Variants in SLC9A4 observed in about 807,000 individuals in gnomAD.
SLC9A4 encodes sodium/hydrogen exchanger 4.
SLC9A4 carries 63 observed loss-of-function variants against 67.4 expected under a neutral mutation model. That is an observed-to-expected ratio of 0.93 (90% CI 0.76 to 1.15). SLC9A4 has a LOEUF of 1.15. SLC9A4 is among the 50% of genes most tolerant of loss of function. The pLI is 0.00. For missense variants in SLC9A4, 1,089 were observed against 987.7 expected, an observed-to-expected ratio of 1.10 and a Z score of -1.38; for synonymous variants, 393 against 367.2, an observed-to-expected ratio of 1.07 and a Z score of -0.80.
In SLC9A4 at chr2:102,479,073, T is replaced by C. The variant is rs1195799345; in HGVS notation, c.491T>C (p.Leu164Ser). The C allele has an allele frequency of 1.2e-6, 2 of 1,614,072 alleles. No homozygotes were observed. Among genetic ancestry groups the C allele is most frequent in the African/African-American group, 1.3e-5 (1 of 74,930 alleles). Residue 164 changes from leucine (L) to serine (S), a missense_variant, in exon 2 of 12, where the codon TTG becomes TCG. By Grantham distance (145) the Leu-to-Ser change is moderately radical. Transcript: ENST00000295269. ...NIGSILWWAV[L>S]GALINALGIG... is the part of the protein sequence containing the mutation. ...GGCTCCATCCTGTGGTGGGCAGTAT[T>C]GGGGGCCCTGATCAACGCCTTGGGC...
intron 11 of SLC9A4, among the ~76,000 whole-genome samples, chr2:102,529,797 A>G (rs755032048): frequency 6.6e-6 from 1 of 152,186 alleles, no homozygotes; most frequent in Non-Finnish European, 1.5e-5. Context: ...CTTGCCCTCC[A>G]GGGTCAGGAC....
At chr2:102,511,476 T>C (rs907245767) in intron 6 of SLC9A4, among the ~76,000 whole-genome samples, 24 of 152,192 alleles carry the variant, frequency 1.6e-4, no homozygotes, top group Admixed American at 1.6e-3. Flanking sequence ...AGTGAATTAA[T>C]TATTTAATAA....
chr2:102,522,043 A>C (rs186510608), intron 9 of SLC9A4, among the ~76,000 whole-genome samples: 1 of 152,284 alleles, frequency 6.6e-6, no homozygotes, highest in African/African-American at 2.4e-5. Context: ...TAAGGGACTC[A>C]CCTCTGGAGG....
chr2:102,478,735 C>T lies in SLC9A4; in HGVS notation c.257-104C>T, dbSNP rs370884962. The T allele has an allele frequency of 7.6e-5, 85 of 1,121,926 alleles. 1 individual carries two copies. The East Asian group carries it at 1.7e-3, about 23-fold the overall frequency. The allele number at this position is 1,121,926 out of a possible 1,614,324, so 69.5% of individuals were successfully genotyped here. A position where few individuals can be genotyped will look rare whatever the true frequency, so the allele number is the denominator to read the frequency against. On this transcript the variant is annotated intron_variant, in intron 1 of 11. Transcript: ENST00000295269. ...CAGATGGGACGCTGAGGCTGAGATG[C>T]CAGTCAGCTTGTCCACGGTCCTGTC...
chr2:102,494,010 G>A (rs1684757112), intron 2 of SLC9A4, among the ~76,000 whole-genome samples: 1 of 151,842 alleles, frequency 6.6e-6, no homozygotes, highest in Non-Finnish European at 1.5e-5. Flanking sequence ...TTCCTCAGAT[G>A]CTATGTCATA....
intron 2 of SLC9A4, among the ~76,000 whole-genome samples, chr2:102,493,574 A>C (rs1291618226): frequency 6.6e-6 from 1 of 151,616 alleles, no homozygotes; most frequent in Non-Finnish European, 1.5e-5. Flanking sequence ...TGATTCAATT[A>C]CCTCCCACCA....
chr2:102,525,694 C>T (rs1484118075), intron 10 of SLC9A4, among the ~76,000 whole-genome samples: 1 of 152,024 alleles, frequency 6.6e-6, no homozygotes, highest in South Asian at 2.1e-4. Context: ...AGAAGCAGAC[C>T]TTAATCTCAA....
At chr2:102,506,564 G>A (rs369851599) in intron 4 of SLC9A4, among the ~76,000 whole-genome samples, 1 of 152,054 alleles carries the variant, frequency 6.6e-6, no homozygotes, top group Non-Finnish European at 1.5e-5. Context: ...CATTATCACC[G>A]GCCTTATTAC....
At chr2:102,508,799 A>G (rs955122127) in intron 5 of SLC9A4, 48 bp from the exon 6 acceptor site, 4 of 1,461,996 alleles carry the variant, frequency 2.7e-6, no homozygotes, top group Middle Eastern at 3.6e-4. Flanking sequence ...CTCTCTAGTG[A>G]CAGTCTTCAT....
rs1009139022 is a variant in SLC9A4 at position 102,522,598 on chromosome 2, A to C, written c.1819-2426A>C. On this transcript the variant is annotated intron_variant, in intron 9 of 11. Transcript: ENST00000295269. ...GTGTAGGAAATCCTACTAGCAATAC[A>C]TTGTATGTATACAAACATGCACACA... Among the ~76,000 whole-genome samples, 4 of 152,138 alleles carry C rather than the reference A, an allele frequency of 2.6e-5. No individual in the cohort carries two copies. In the South Asian group the frequency reaches 8.3e-4, roughly 32 times the overall value.
chr2:102,500,868 T>C (rs1434263546), intron 2 of SLC9A4, among the ~76,000 whole-genome samples: 2 of 151,932 alleles, frequency 1.3e-5, no homozygotes, highest in African/African-American at 4.8e-5. Flanking sequence ...TGACTGTTCA[T>C]GATTATGAAC....
intron 2 of SLC9A4, among the ~76,000 whole-genome samples, chr2:102,483,116 C>T (rs762681773): frequency 5.3e-5 from 8 of 152,118 alleles, no homozygotes; most frequent in Non-Finnish European, 1.0e-4. Flanking sequence ...AATTTTCAAG[C>T]TACCGGAGTA....
intron 11 of SLC9A4, among the ~76,000 whole-genome samples, chr2:102,527,446 C>T (rs559995398): frequency 1.7e-4 from 26 of 152,116 alleles, no homozygotes; most frequent in Admixed American, 5.9e-4. Flanking sequence ...TATGCATGTA[C>T]CAAAGCTTAT....
At chr2:102,476,495 G>C (rs2104410823) in intron 1 of SLC9A4, among the ~76,000 whole-genome samples, 1 of 152,288 alleles carries the variant, frequency 6.6e-6, no homozygotes, top group East Asian at 1.9e-4. Context: ...ACTGTGTAGA[G>C]AGCAACTTGG....
At chr2:102,521,639 G>T (rs1488575046) in intron 9 of SLC9A4, among the ~76,000 whole-genome samples, 1 of 152,072 alleles carries the variant, frequency 6.6e-6, no homozygotes, top group Non-Finnish European at 1.5e-5. Context: ...TGGTCCTCTT[G>T]ATCTCTTGAA....
At chr2:102,520,022 T>C in intron 9 of SLC9A4, 67 bp downstream of exon 9, 1 of 1,371,852 alleles carries the variant, frequency 7.3e-7, no homozygotes, top group Non-Finnish European at 1.0e-6. Flanking sequence ...AGGGGGAGTC[T>C]GTTGATGTTC....
At chr2:102,510,460 T>C (rs1573347771) in intron 6 of SLC9A4, among the ~76,000 whole-genome samples, 1 of 152,228 alleles carries the variant, frequency 6.6e-6, no homozygotes, top group East Asian at 1.9e-4. Context: ...TTTTTCTTCA[T>C]CAGGGAAGCC....
intron 2 of SLC9A4, among the ~76,000 whole-genome samples, chr2:102,484,086 T>A (rs944658097): frequency 2.6e-4 from 40 of 152,102 alleles, no homozygotes; most frequent in African/African-American, 8.4e-4. Flanking sequence ...CACTTTTGCA[T>A]TTATTAGTGT....
intron 8 of SLC9A4, among the ~76,000 whole-genome samples, chr2:102,519,459 A>T (rs1429106429): frequency 6.6e-6 from 1 of 152,194 alleles, no homozygotes; most frequent in Non-Finnish European, 1.5e-5. Flanking sequence ...TCTTTGAATG[A>T]ATCATTTTTT....
Sources: allele counts gnomAD v4.1 joint callset (sites outside exome capture counted in the v4.1 genomes callset), GRCh38; gene constraint gnomAD v4.1.1; transcripts MANE v1.5; gene names NCBI Gene and HGNC (gene_info 2026-07-23, HGNC 2026-07-21).